ALPK2: variants seen among roughly 807,000 people sequenced by gnomAD.
ALPK2 encodes the protein alpha kinase 2.
A neutral mutation model predicts 163.1 loss-of-function variants in ALPK2; 127 were observed. The observed-to-expected ratio is 0.78, with a 90% CI of 0.67 to 0.90. The LOEUF (loss-of-function observed/expected upper bound fraction) is 0.90, where lower values mean the gene tolerates loss of function less well. Ranked by LOEUF, ALPK2 falls within the 40% of genes least tolerant of loss-of-function variation. ALPK2 has a pLI of 0.00. For synonymous variants in ALPK2, 953 were observed against 959.1 expected (o/e 0.99, Z 0.12); for missense variants, 2,360 against 2,589.6 (o/e 0.91, Z 1.92).
At chr18:58,612,296 C>CA (rs2052137015) in intron 1 of ALPK2, among the ~76,000 whole-genome samples, 1 of 152,064 alleles carries the variant, frequency 6.6e-6, no homozygotes, top group African/African-American at 2.4e-5. Flanking sequence ...ACACTGTGCT[C>CA]AAAAAAGTGT....
At chr18:58,597,023 C>T (rs920728684) in intron 3 of ALPK2, among the ~76,000 whole-genome samples, 18 of 152,136 alleles carry the variant, frequency 1.2e-4, no homozygotes, top group Non-Finnish European at 2.9e-5. Flanking sequence ...TGCAGTGGCT[C>T]ATGCCTGTAA....
chr18:58,577,994 G>A (rs765843286), intron 4 of ALPK2: 1 of 152,116 alleles, frequency 6.6e-6, no homozygotes, highest in Non-Finnish European at 1.5e-5. Context: ...CCATATTACA[G>A]CGTAAGTCCA....
At chr18:58,564,476 T>C (rs1424373431) in intron 4 of ALPK2, among the ~76,000 whole-genome samples, 4 of 152,120 alleles carry the variant, frequency 2.6e-5, no homozygotes, top group Non-Finnish European at 5.9e-5. Context: ...TCTTTGTACA[T>C]CACAAGTGCT....
At chr18:58,538,309 C>T in intron 4 of ALPK2, 85 bp from the exon 5 acceptor site, 1 of 1,193,786 alleles carries the variant, frequency 8.4e-7, no homozygotes, top group Non-Finnish European at 1.2e-6. Context: ...GAGTGTTAAT[C>T]CTCAATGACC....
intron 3 of ALPK2, among the ~76,000 whole-genome samples, chr18:58,582,797 G>C (rs1186343962): frequency 6.6e-6 from 1 of 152,140 alleles, no homozygotes; most frequent in Non-Finnish European, 1.5e-5. Context: ...TTGAAGTGGG[G>C]GGTGGGGGCA....
chr18:58,626,261 G>T (rs1374178101), intron 1 of ALPK2, among the ~76,000 whole-genome samples: 2 of 152,108 alleles, frequency 1.3e-5, no homozygotes, highest in Non-Finnish European at 2.9e-5. Context: ...AATCTCGTCT[G>T]CTCCCTCCCA....
At chr18:58,513,798 G>T (rs138248822) in intron 10 of ALPK2, among the ~76,000 whole-genome samples, 2,053 of 152,206 alleles carry the variant, frequency 0.013, 43 homozygotes, top group African/African-American at 0.046. Context: ...TTGAGCCCGG[G>T]AGGTCAAGGC....
intron 8 of ALPK2, among the ~76,000 whole-genome samples, chr18:58,521,395 C>T (rs1205072768): frequency 6.6e-6 from 1 of 152,126 alleles, no homozygotes; most frequent in Non-Finnish European, 1.5e-5. Context: ...TGAGAGTCTT[C>T]TTATTTTCTG....
At chr18:58,622,882 A>G (rs1454056463) in intron 1 of ALPK2, among the ~76,000 whole-genome samples, 1 of 152,170 alleles carries the variant, frequency 6.6e-6, no homozygotes, top group East Asian at 1.9e-4. Flanking sequence ...TTTACTTTCA[A>G]TGTGACCAAG....
chr18:58,614,201 G>A (rs146118289), intron 1 of ALPK2, among the ~76,000 whole-genome samples: 60 of 152,140 alleles, frequency 3.9e-4, no homozygotes, highest in Non-Finnish European at 8.2e-4. Context: ...AAACTGCTTG[G>A]GTGTGGGGCA....
rs1042960081 is a variant in ALPK2 at position 58,489,002 on chromosome 18, GAATT to G, written c.6297-6967_6297-6964del. On this transcript the variant is annotated intron_variant, in intron 12 of 12. Coordinates refer to ENST00000361673, the MANE Select transcript of ALPK2 (RefSeq NM_052947.4). ...CCAGACACTGTAGGGGAACTAAAAG[GAATT>G]AATTAATAAGCGGAGCGGCACTTTC... Among the ~76,000 whole-genome samples, 9 of 152,282 alleles carry G rather than the reference GAATT, an allele frequency of 5.9e-5. 1 individual carries two copies. The highest frequency in any genetic ancestry group is 6.8e-3 in the Middle Eastern group (2 of 294).
intron 4 of ALPK2, among the ~76,000 whole-genome samples, chr18:58,569,551 GC>G (rs1438255692): frequency 6.6e-6 from 1 of 152,188 alleles, no homozygotes; most frequent in Non-Finnish European, 1.5e-5. Flanking sequence ...GGGCTTCTGA[GC>G]CTGCATTTCT....
Position 58,579,013 on chromosome 18 carries a change from G to T in ALPK2, c.1763C>A (p.Ala588Glu). 2 of 1,614,254 alleles carry T rather than the reference G, an allele frequency of 1.2e-6. No homozygotes were observed. Among genetic ancestry groups the T allele is most frequent in the Non-Finnish European group, 1.7e-6 (2 of 1,180,048 alleles). Reference protein sequence around the residue: ...SDKRETSHTTAAATGRSSHAD... With the variant: ...SDKRETSHTTEAATGRSSHAD... ...ATGGGAACTCCGACCAGTCGCTGCT[G>T]CTGTGGTGTGAGAAGTCTCTCTTTT... Residue 588 changes from alanine (A) to glutamate (E), a missense_variant, in exon 4 of 13, where the codon GCA becomes GAA. Ala to Glu is a moderately radical substitution (Grantham distance 107). Transcript: ENST00000361673.
intron 3 of ALPK2, among the ~76,000 whole-genome samples, chr18:58,591,218 TG>T (rs1412339913): frequency 6.6e-6 from 1 of 152,194 alleles, no homozygotes; most frequent in African/African-American, 2.4e-5. Flanking sequence ...TGCTTCAAAA[TG>T]GTTTTTGTCT....
chr18:58,545,363 T>C (rs1420102635), intron 4 of ALPK2: 1 of 152,376 alleles, frequency 6.6e-6, no homozygotes, highest in Admixed American at 6.5e-5. Context: ...AGGGTCACCT[T>C]GGAACCCTCT....
intron 1 of ALPK2, 120 bp from the exon 2 acceptor site, chr18:58,611,937 A>G: frequency 1.6e-6 from 1 of 612,882 alleles, no homozygotes; most frequent in Non-Finnish European, 2.7e-6. Flanking sequence ...GAGGGTGGGC[A>G]GACTGAAGGT....
At chr18:58,515,541 T>A (rs73445125) in intron 9 of ALPK2, among the ~76,000 whole-genome samples, 35,383 of 152,166 alleles carry the variant, frequency 0.23, 4,660 homozygotes, top group South Asian at 0.42. Flanking sequence ...CTGCATCCTA[T>A]GCTGTGGGGC....
At chr18:58,597,041 A>G (rs1476780094) in intron 3 of ALPK2, among the ~76,000 whole-genome samples, 9 of 152,152 alleles carry the variant, frequency 5.9e-5, no homozygotes, top group African/African-American at 2.4e-5. Context: ...TAATCCCAGC[A>G]CTTTGAGAGG....
In ALPK2 at chr18:58,580,637, A is replaced by G. The variant is rs576139820; in HGVS notation, c.228-89T>C. On this transcript the variant is annotated intron_variant, in intron 3 of 12. Transcript: ENST00000361673. Reference sequence around the variant, plus strand: ...ACCATGGCACACAGAGAAAATGACCATCATTTTACTGCATGTTCAAGGAGA... The same window carrying G: ...ACCATGGCACACAGAGAAAATGACCGTCATTTTACTGCATGTTCAAGGAGA... The G allele has an allele frequency of 3.6e-4, 421 of 1,173,848 alleles. 2 individuals carry two copies. The East Asian group carries it at 9.7e-3, about 27-fold the overall frequency. 72.7% of individuals were successfully genotyped at this position (1,173,848 alleles called of 1,614,324 possible).
Sources: allele counts gnomAD v4.1 joint callset (sites outside exome capture counted in the v4.1 genomes callset), GRCh38; gene constraint gnomAD v4.1.1; transcripts MANE v1.5; gene names NCBI Gene and HGNC (gene_info 2026-07-23, HGNC 2026-07-21).